DIAPH2: variants seen among roughly 807,000 people sequenced by gnomAD.
DIAPH2 encodes the protein protein diaphanous homolog 2.
A neutral mutation model predicts 92.7 loss-of-function variants in DIAPH2; 35 were observed. That is an observed-to-expected ratio of 0.38 (90% CI 0.29 to 0.50). The LOEUF is 0.50. Among genes scored for constraint, DIAPH2 ranks in the 20% least tolerant of loss-of-function variants. DIAPH2 has a pLI of 0.94. For missense variants in DIAPH2, 701 were observed against 819.5 expected (o/e 0.86, Z 1.77); for synonymous variants, 301 against 280.4 (o/e 1.07, Z -0.73).
At chrX:97,284,083 C>T (rs2068520681) in intron 23 of DIAPH2, among the ~76,000 whole-genome samples, 1 of 112,228 alleles carries the variant, frequency 8.9e-6, no homozygotes, top group African/African-American at 3.2e-5. Context: ...TAACAGGTCA[C>T]GAGTATGTCT....
chrX:97,063,799 A>G (rs2066616291), intron 17 of DIAPH2, among the ~76,000 whole-genome samples: 1 of 112,380 alleles, frequency 8.9e-6, no homozygotes, highest in Non-Finnish European at 1.9e-5. Context: ...GGGATAAGGA[A>G]TCAGACATTT....
rs1386969314 is a variant in DIAPH2, at chrX:97,276,742, A to G, written c.2844+28903A>G. Among the ~76,000 whole-genome samples, 4 of 112,364 alleles carry G rather than the reference A, an allele frequency of 3.6e-5. No homozygotes were observed. In the East Asian group the frequency reaches 1.1e-3, roughly 31 times the overall value. ...CTCATCATGAATGAGAATTGCCTTT[A>G]GTCATGACTCAGTGTGACATTAAGT... On this transcript the variant is annotated intron_variant, in intron 23 of 26. Coordinates refer to ENST00000324765, the MANE Select transcript of DIAPH2 (RefSeq NM_006729.5).
chrX:96,827,610 G>A (rs2064823976), intron 4 of DIAPH2, among the ~76,000 whole-genome samples: 1 of 111,260 alleles, frequency 9.0e-6, no homozygotes, highest in African/African-American at 3.3e-5. Flanking sequence ...TGGTCTTAGG[G>A]GCCATTTACA....
chrX:97,547,683 C>A (rs185883102), intron 26 of DIAPH2, among the ~76,000 whole-genome samples: 1 of 111,942 alleles, frequency 8.9e-6, no homozygotes. Context: ...GCATTCCAAC[C>A]TTTTCTCCCT....
At chrX:96,915,461 G>T (rs919082782) in intron 7 of DIAPH2, among the ~76,000 whole-genome samples, 1 of 104,509 alleles carries the variant, frequency 9.6e-6, no homozygotes, top group African/African-American at 3.5e-5. Context: ...ATTATGACCT[G>T]TGATAAACTC....
chrX:97,035,903 AG>A (rs1213012530), intron 17 of DIAPH2, among the ~76,000 whole-genome samples: 37 of 109,198 alleles, frequency 3.4e-4, no homozygotes, highest in African/African-American at 1.2e-3. Flanking sequence ...CAGCTACTTG[AG>A]AGGTAGAGGT....
At chrX:97,137,274 T>TAC (rs1436106101) in intron 21 of DIAPH2, among the ~76,000 whole-genome samples, 1 of 70,389 alleles carries the variant, frequency 1.4e-5, no homozygotes, top group African/African-American at 6.5e-5. Flanking sequence ...GTTATACATA[T>TAC]ATATATATAT....
At chrX:96,735,733 G>T (rs747836282) in intron 1 of DIAPH2, 25 bp from the exon 2 acceptor site, 6 of 973,259 alleles carry the variant, frequency 6.2e-6, no homozygotes, top group Admixed American at 6.0e-5. Context: ...GGTTTTTTTT[G>T]TTTGTTTCTT....
At chrX:96,942,344 T>G (rs758096033) in intron 13 of DIAPH2, among the ~76,000 whole-genome samples, 42 of 110,959 alleles carry the variant, frequency 3.8e-4, no homozygotes, top group African/African-American at 1.2e-3. Flanking sequence ...ATTAGAAATA[T>G]TAACCTGTTT....
chrX:97,278,377 TTATACA>T (rs1270543703), intron 23 of DIAPH2, among the ~76,000 whole-genome samples: 3 of 111,554 alleles, frequency 2.7e-5, no homozygotes, highest in African/African-American at 9.8e-5. Context: ...ACTCTATATG[TTATACA>T]TATATGGGTT....
At chrX:97,380,638 A>G (rs1436350290) in intron 24 of DIAPH2, among the ~76,000 whole-genome samples, 1 of 111,995 alleles carries the variant, frequency 8.9e-6, no homozygotes, top group African/African-American at 3.2e-5. Context: ...CTTAAAAACT[A>G]AAGATTATTG....
At chrX:97,345,829 A>G (rs1247910599) in intron 23 of DIAPH2, among the ~76,000 whole-genome samples, 1 of 111,879 alleles carries the variant, frequency 8.9e-6, no homozygotes, top group African/African-American at 3.2e-5. Context: ...GTTACTAGCC[A>G]TAGAAGAAAG....
intron 23 of DIAPH2, among the ~76,000 whole-genome samples, chrX:97,308,693 T>C (rs1307035256): frequency 1.0e-5 from 1 of 95,311 alleles, no homozygotes; most frequent in African/African-American, 3.8e-5. Context: ...TGATCTCGGC[T>C]CACTGCAAGC....
intron 23 of DIAPH2, among the ~76,000 whole-genome samples, chrX:97,321,739 C>T (rs1458689750): frequency 9.2e-6 from 1 of 109,127 alleles, no homozygotes; most frequent in East Asian, 2.9e-4. Flanking sequence ...TTAGTAGAGA[C>T]GGGGTTTCAC....
chrX:97,423,368 G>C (rs942313242), intron 25 of DIAPH2, among the ~76,000 whole-genome samples: 1 of 111,852 alleles, frequency 8.9e-6, no homozygotes, highest in African/African-American at 3.2e-5. Flanking sequence ...CTGTAAGTAA[G>C]TATGTGCTAG....
intron 22 of DIAPH2, among the ~76,000 whole-genome samples, chrX:97,237,626 G>A (rs2068058568): frequency 9.2e-6 from 1 of 108,924 alleles, no homozygotes; most frequent in Admixed American, 9.8e-5. Context: ...CTGTCGCCCA[G>A]GCTGGACTGC....
At chrX:96,928,054 G>A (rs1569428605) in intron 9 of DIAPH2, among the ~76,000 whole-genome samples, 1 of 110,804 alleles carries the variant, frequency 9.0e-6, no homozygotes. Flanking sequence ...ATCTTTTGTT[G>A]CGAGAATCTA....
At chrX:97,082,894 T>A (rs189198765) in intron 19 of DIAPH2, among the ~76,000 whole-genome samples, 1 of 111,567 alleles carries the variant, frequency 9.0e-6, no homozygotes, top group African/African-American at 3.3e-5. Flanking sequence ...CATGATTTCC[T>A]CCCCCAGCTA....
intron 1 of DIAPH2, among the ~76,000 whole-genome samples, chrX:96,722,071 C>T (rs181064800): frequency 1.1e-3 from 124 of 111,660 alleles, no homozygotes; most frequent in Non-Finnish European, 1.7e-3. Context: ...TAAAGAGACT[C>T]TTGGCCGGGC....
Sources: gnomAD v4.1 joint callset for allele counts (sites outside exome capture counted in the v4.1 genomes callset) on GRCh38, gnomAD v4.1.1 for gene constraint, MANE v1.5 for transcripts, NCBI Gene and HGNC (gene_info 2026-07-23, HGNC 2026-07-21) for gene names.